Variants in NELL1 observed in about 807,000 individuals in gnomAD.
NELL1 encodes the protein protein kinase C-binding protein NELL1.
NELL1 carries 76 observed loss-of-function variants against 107.4 expected under a neutral mutation model. That is an observed-to-expected ratio of 0.71 (90% CI 0.59 to 0.86). The LOEUF (loss-of-function observed/expected upper bound fraction) is 0.86, where lower values mean the gene tolerates loss of function less well. Ranked by LOEUF, NELL1 falls within the 40% of genes least tolerant of loss-of-function variation. The pLI, the probability that NELL1 is intolerant of heterozygous loss-of-function variation, is 0.00. For missense variants in NELL1, 1,024 were observed against 1,005.5 expected (o/e 1.02, Z -0.25); for synonymous variants, 353 against 341.2 (o/e 1.03, Z -0.38).
intron 12 of NELL1, among the ~76,000 whole-genome samples, chr11:21,092,397 A>T (rs1470934315): frequency 6.6e-6 from 1 of 152,186 alleles, no homozygotes; most frequent in Non-Finnish European, 1.5e-5. Context: ...AGTTTTTCCC[A>T]TCTGTAAAAT....
intron 14 of NELL1, among the ~76,000 whole-genome samples, chr11:21,300,801 C>T (rs55958167): frequency 0.028 from 4,314 of 152,056 alleles, 86 homozygotes; most frequent in South Asian, 0.055. Context: ...ACGGGCACAA[C>T]GTGCAGGTTG....
chr11:21,217,114 C>T (rs765919718), intron 13 of NELL1, among the ~76,000 whole-genome samples: 40 of 152,240 alleles, frequency 2.6e-4, no homozygotes, highest in Non-Finnish European at 5.1e-4. Flanking sequence ...TCATAAGGGG[C>T]TATTCCCCCC....
rs77812341 is a variant in NELL1, at chr11:20,996,025, A to G, written c.1300+35465A>G. ...GGGGTTTATTTTTACTTAATGTATTAGTCTTCAGGTATCAGGGTTGAAATT... is the reference window on the plus strand; with the variant it reads ...GGGGTTTATTTTTACTTAATGTATTGGTCTTCAGGTATCAGGGTTGAAATT... On this transcript the variant is annotated intron_variant, in intron 12 of 19. Coordinates refer to ENST00000357134, the MANE Select transcript of NELL1 (RefSeq NM_006157.5). 5.7e-3 allele frequency among the ~76,000 whole-genome samples: 871 copies of G among 152,358 alleles called. 12 individuals carry two copies. Among genetic ancestry groups the G allele is most frequent in the African/African-American group, 0.02 (825 of 41,578 alleles).
At chr11:21,537,381 C>G (rs1300763508) in intron 16 of NELL1, among the ~76,000 whole-genome samples, 1 of 152,024 alleles carries the variant, frequency 6.6e-6, no homozygotes, top group Non-Finnish European at 1.5e-5. Flanking sequence ...TTGATCTTTT[C>G]ATGCCTTGAA....
At chr11:20,864,178 A>C (rs1849051880) in intron 4 of NELL1, among the ~76,000 whole-genome samples, 1 of 152,160 alleles carries the variant, frequency 6.6e-6, no homozygotes, top group Non-Finnish European at 1.5e-5. Flanking sequence ...TTAACAATTA[A>C]AAAAATTTTT....
chr11:21,360,739 A>C (rs1442555364), intron 14 of NELL1, among the ~76,000 whole-genome samples: 1 of 151,900 alleles, frequency 6.6e-6, no homozygotes, highest in Non-Finnish European at 1.5e-5. Flanking sequence ...CTTTGTTTTA[A>C]TTGTTATTGC....
chr11:20,927,587 A>G (rs1850528205), intron 8 of NELL1, 145 bp downstream of exon 8: 2 of 687,588 alleles, frequency 2.9e-6, no homozygotes, highest in African/African-American at 1.9e-5. Flanking sequence ...CATACGAGCA[A>G]TTGTGAAGCA....
intron 15 of NELL1, among the ~76,000 whole-genome samples, chr11:21,377,075 T>C (rs997717424): frequency 1.3e-5 from 2 of 152,068 alleles, no homozygotes; most frequent in African/African-American, 4.8e-5. Context: ...GCACCTCCAA[T>C]ACTATGTTGA....
At chr11:21,249,194 T>A (rs1475724843) in intron 14 of NELL1, among the ~76,000 whole-genome samples, 2 of 152,144 alleles carry the variant, frequency 1.3e-5, no homozygotes, top group East Asian at 3.9e-4. Context: ...GGGAAAATCA[T>A]TGTATTTTTA....
chr11:21,574,091 C>A (rs1055895872), intron 19 of NELL1, among the ~76,000 whole-genome samples: 1 of 151,826 alleles, frequency 6.6e-6, no homozygotes, highest in African/African-American at 2.4e-5. Context: ...TGATTTGGAA[C>A]AATCATTAGT....
chr11:21,286,509 C>T lies in NELL1; in HGVS notation c.1549+57055C>T, dbSNP rs555942435. Among the ~76,000 whole-genome samples the T allele has an allele frequency of 4.6e-5, 7 of 152,288 alleles. No individual in the cohort carries two copies. In the East Asian group the frequency reaches 9.7e-4, roughly 21 times the overall value. On this transcript the variant is annotated intron_variant, in intron 14 of 19. Transcript: ENST00000357134. Reference sequence around the variant, plus strand: ...TCCAATGCCACGCTAACTGATCTTACTTTAACCCATACTATCCACTCGTAC... The same window carrying T: ...TCCAATGCCACGCTAACTGATCTTATTTTAACCCATACTATCCACTCGTAC...
intron 10 of NELL1, 71 bp from the exon 11 acceptor site, chr11:20,947,261 CAAAG>C (rs1180130765): frequency 2.1e-6 from 2 of 975,352 alleles, no homozygotes; most frequent in Non-Finnish European, 1.7e-6. Flanking sequence ...AGGCTATTAA[CAAAG>C]AACATTATAA....
intron 12 of NELL1, among the ~76,000 whole-genome samples, chr11:21,016,411 C>G (rs11025875): frequency 0.097 from 14,738 of 152,020 alleles, 2,227 homozygotes; most frequent in African/African-American, 0.33. Context: ...TCCCCAAACT[C>G]CCAAGCAGGG....
intron 13 of NELL1, among the ~76,000 whole-genome samples, chr11:21,127,249 G>A (rs946477435): frequency 1.3e-5 from 2 of 151,980 alleles, no homozygotes; most frequent in Non-Finnish European, 2.9e-5. Context: ...GGTTTTTCTA[G>A]TTATAAAAAT....
At chr11:20,989,099 C>A (rs538717109) in intron 12 of NELL1, among the ~76,000 whole-genome samples, 71 of 152,306 alleles carry the variant, frequency 4.7e-4, no homozygotes, top group African/African-American at 1.6e-3. Context: ...TGCCTATACT[C>A]ATATAGCCAA....
chr11:21,547,243 G>A (rs1293630672), intron 16 of NELL1, among the ~76,000 whole-genome samples: 1 of 151,846 alleles, frequency 6.6e-6, no homozygotes, highest in Non-Finnish European at 1.5e-5. Flanking sequence ...TTTTTTCCAG[G>A]CGAACTACTC....
intron 13 of NELL1, among the ~76,000 whole-genome samples, chr11:21,168,158 C>T (rs866780329): frequency 6.6e-6 from 1 of 151,650 alleles, no homozygotes; most frequent in Non-Finnish European, 1.5e-5. Flanking sequence ...TGAATGGTCT[C>T]CTAAAGCCAT....
At chr11:20,745,905 G>C (rs1855992485) in intron 2 of NELL1, among the ~76,000 whole-genome samples, 1 of 152,210 alleles carries the variant, frequency 6.6e-6, no homozygotes, top group Non-Finnish European at 1.5e-5. Flanking sequence ...TCTGAGCTTA[G>C]TGTTCTTTCT....
At chr11:21,532,624 T>C (rs144437608) in intron 15 of NELL1, among the ~76,000 whole-genome samples, 1 of 152,282 alleles carries the variant, frequency 6.6e-6, no homozygotes, top group East Asian at 1.9e-4. Flanking sequence ...CCACAGCCTG[T>C]AGGCAACAGG....
Sources: allele counts gnomAD v4.1 joint callset (sites outside exome capture counted in the v4.1 genomes callset), GRCh38; gene constraint gnomAD v4.1.1; transcripts MANE v1.5; gene names NCBI Gene and HGNC (gene_info 2026-07-23, HGNC 2026-07-21).